Variants in CEP192 observed in about 807,000 individuals in gnomAD.
CEP192 encodes the protein centrosomal protein of 192 kDa.
A neutral mutation model predicts 271.8 loss-of-function variants in CEP192; 151 were observed. That is an observed-to-expected ratio of 0.56 (90% CI 0.49 to 0.64). The LOEUF is 0.64. Ranked by LOEUF, CEP192 falls within the 30% of genes least tolerant of loss-of-function variation. CEP192 has a pLI of 0.00. For missense variants in CEP192, 2,910 were observed against 3,020.5 expected (o/e 0.96, Z 0.86); for synonymous variants, 995 against 1,076.5 (o/e 0.92, Z 1.48).
chr18:13,087,753 A>AAAT, intron 32 of CEP192, 107 bp downstream of exon 32: 3 of 463,274 alleles, frequency 6.5e-6, no homozygotes, highest in African/African-American at 4.0e-5. Context: ...TTTATTAGTG[A>AAAT]ACTGGTAGAT....
At position 13,068,104 on chromosome 18, in the gene CEP192, C is replaced by T; in HGVS notation, c.4625C>T (p.Ala1542Val). 6.2e-7 allele frequency: 1 copy of T among 1,614,182 alleles called. No homozygotes were observed. Among genetic ancestry groups the T allele is most frequent in the Non-Finnish European group, 8.5e-7 (1 of 1,180,032 alleles). ...IRLIINANAV[A>V]WRCFTFSKES... ...TGTATTTCTAAACAGAACGCTGTAG[C>T]CTGGCGCTGTTTCACGTTTTCCAAG... Residue 1542 changes from alanine (A) to valine (V), a missense_variant, in exon 23 of 45, where the codon GCC (alanine) becomes GTC (valine). By Grantham distance (64) the Ala-to-Val change is moderately conservative. Transcript: ENST00000506447.
At chr18:13,089,270 A>G (rs2039032830) in intron 32 of CEP192, among the ~76,000 whole-genome samples, 186 bp from the exon 33 acceptor site, 1 of 152,192 alleles carries the variant, frequency 6.6e-6, no homozygotes, top group Non-Finnish European at 1.5e-5. Flanking sequence ...ACTGAAACTG[A>G]TAATTTTACT....
At chr18:13,052,696 T>C (rs2036861243) in intron 17 of CEP192, among the ~76,000 whole-genome samples, 1 of 152,244 alleles carries the variant, frequency 6.6e-6, no homozygotes, top group Admixed American at 6.5e-5. Flanking sequence ...TGTGTGTCTT[T>C]ATATGGTATT....
intron 4 of CEP192, among the ~76,000 whole-genome samples, chr18:13,011,512 CTTTGT>C (rs1379861374): frequency 4.7e-5 from 5 of 105,924 alleles, no homozygotes; most frequent in Non-Finnish European, 8.9e-5. Flanking sequence ...CACACAGAAA[CTTTGT>C]TTTGTTTTGT....
chr18:13,072,317 G>A (rs2038055359), intron 28 of CEP192, among the ~76,000 whole-genome samples: 1 of 152,138 alleles, frequency 6.6e-6, no homozygotes, highest in Non-Finnish European at 1.5e-5. Context: ...AATATACTGT[G>A]TAAAAGACTA....
At chr18:13,089,021 T>C (rs965550919) in intron 32 of CEP192, 25 of 317,728 alleles carry the variant, frequency 7.9e-5, no homozygotes, top group Non-Finnish European at 1.3e-4. Flanking sequence ...CTGAGTATTA[T>C]AGAGAAATCT....
At chr18:13,119,395 C>T (rs532650426) in intron 44 of CEP192, among the ~76,000 whole-genome samples, 1 of 152,292 alleles carries the variant, frequency 6.6e-6, no homozygotes, top group African/African-American at 2.4e-5. Flanking sequence ...ACATCTGTCA[C>T]AAATTGGAGG....
intron 1 of CEP192, among the ~76,000 whole-genome samples, chr18:12,997,752 T>C (rs1001869722): frequency 1.1e-4 from 16 of 152,090 alleles, no homozygotes; most frequent in African/African-American, 3.9e-4. Flanking sequence ...GGGGATAGAG[T>C]CTCGCTCCAT....
At chr18:13,019,297 G>A in intron 9 of CEP192, 91 bp downstream of exon 9, 1 of 1,102,226 alleles carries the variant, frequency 9.1e-7, no homozygotes, top group Non-Finnish European at 1.2e-6. Flanking sequence ...CAAAGAAACA[G>A]TAACTGTTGA....
chr18:13,113,196 C>A (rs1238694089), intron 40 of CEP192, among the ~76,000 whole-genome samples: 1 of 152,160 alleles, frequency 6.6e-6, no homozygotes, highest in Non-Finnish European at 1.5e-5. Flanking sequence ...CGCTGTGAGG[C>A]CCTTGTCCTG....
rs1205391588 is a variant in CEP192 at position 13,019,094 on chromosome 18, G to C, written c.938G>C (p.Gly313Ala). The stretch of plus-strand genomic sequence containing the variant: ...TTTATTTTTTCAGGTAATTCTATAG[G>C]TACTGGAGATAGTAGAAGGTACACA... ...ICLPGTSNSI[G>A]TGDSRRYTDG... Residue 313 changes from glycine (G) to alanine (A), a missense_variant, in exon 9 of 45, where the codon GGT (glycine) becomes GCT (alanine). By Grantham distance (60) the Gly-to-Ala change is moderately conservative (BLOSUM62 0). Coordinates refer to ENST00000506447, the MANE Select transcript of CEP192 (RefSeq NM_032142.4). 6.5e-7 allele frequency: 1 copy of C among 1,538,572 alleles called. No homozygotes were observed.
intron 10 of CEP192, 66 bp from the exon 11 acceptor site, chr18:13,030,399 T>A (rs948838395): frequency 8.7e-6 from 12 of 1,374,616 alleles, no homozygotes; most frequent in Non-Finnish European, 9.8e-6. Context: ...TAAAAAAAAT[T>A]GAGAATGTTT....
chr18:13,027,459 A>G (rs989104910), intron 9 of CEP192, among the ~76,000 whole-genome samples: 5 of 152,052 alleles, frequency 3.3e-5, no homozygotes, highest in Admixed American at 2.6e-4. Context: ...GCAGCAATTC[A>G]CCAGTTACAT....
chr18:13,080,781 A>C (rs2038562074), intron 30 of CEP192, among the ~76,000 whole-genome samples: 1 of 152,312 alleles, frequency 6.6e-6, no homozygotes. Context: ...GGTTTGTCAT[A>C]AATAGCTCTT....
chr18:13,113,927 G>A (rs1201998151), intron 41 of CEP192, among the ~76,000 whole-genome samples: 6 of 152,116 alleles, frequency 3.9e-5, no homozygotes, highest in Non-Finnish European at 7.3e-5. Context: ...AACTCTGTGC[G>A]TGTGCATCAT....
chr18:13,004,266 C>T (rs1197539430), intron 3 of CEP192, among the ~76,000 whole-genome samples: 1 of 151,114 alleles, frequency 6.6e-6, no homozygotes, highest in Non-Finnish European at 1.5e-5. Context: ...GTTATGACAG[C>T]TGGATGGTTG....
chr18:13,072,541 A>C (rs1423155419), intron 28 of CEP192, among the ~76,000 whole-genome samples: 2 of 152,254 alleles, frequency 1.3e-5, no homozygotes, highest in Non-Finnish European at 2.9e-5. Context: ...CTGGAGAGAG[A>C]TTAAACCAAA....
chr18:13,102,420 A>T (rs1457568153), intron 38 of CEP192, among the ~76,000 whole-genome samples: 3 of 151,504 alleles, frequency 2.0e-5, no homozygotes, highest in Non-Finnish European at 4.4e-5. Flanking sequence ...ACACTCCACC[A>T]TCACCAGGTT....
At position 13,082,926 on chromosome 18, in the gene CEP192, C is replaced by A. The variant is rs549843935; in HGVS notation, c.5617-4091C>A. On this transcript the variant is annotated intron_variant, in intron 30 of 44. Transcript: ENST00000506447. The stretch of plus-strand genomic sequence containing the variant: ...GAAATTCTGGGTTGAAAATTCTTTC[C>A]TTTAATATGTTGAATATTGGCCCCC... Among the ~76,000 whole-genome samples the A allele has an allele frequency of 4.6e-5, 7 of 152,274 alleles. No individual in the cohort carries two copies. The South Asian group carries it at 1.5e-3, about 32-fold the overall frequency.
Sources: allele counts gnomAD v4.1 joint callset (sites outside exome capture counted in the v4.1 genomes callset), GRCh38; gene constraint gnomAD v4.1.1; transcripts MANE v1.5; gene names NCBI Gene and HGNC (gene_info 2026-07-23, HGNC 2026-07-21).